The following YJU2B variants were observed in gnomAD, a reference collection of about 807,000 sequenced individuals.
YJU2B encodes the protein YJU2 splicing factor homolog B, also known as probable splicing factor YJU2B.
YJU2B carries 18 observed loss-of-function variants against 38.0 expected under a neutral mutation model. The ratio of observed to expected loss-of-function variants is 0.47; its 90% CI spans 0.33 to 0.70. The LOEUF is 0.70. Among genes scored for constraint, YJU2B ranks in the 30% least tolerant of loss-of-function variants. The pLI is 0.02. For missense variants in YJU2B, 538 were observed against 556.3 expected (o/e 0.97, Z 0.33); for synonymous variants, 246 against 225.4 (o/e 1.09, Z -0.82).
chr19:13,743,149 T>G (rs1450899335), upstream of YJU2B, among the ~76,000 whole-genome samples: 1 of 151,406 alleles, frequency 6.6e-6, no homozygotes, highest in Non-Finnish European at 1.5e-5. Context: ...CAGGTGGGGG[T>G]TTTTTAAGGC....
intron 1 of YJU2B, among the ~76,000 whole-genome samples, chr19:13,750,817 C>T (rs2145128789): frequency 6.7e-6 from 1 of 149,478 alleles, no homozygotes; most frequent in African/African-American, 2.5e-5. Context: ...AAGATCATGC[C>T]ACCCCACTCC....
upstream of YJU2B, among the ~76,000 whole-genome samples, chr19:13,744,484 C>T (rs1973177868): frequency 6.6e-6 from 1 of 152,160 alleles, no homozygotes; most frequent in Non-Finnish European, 1.5e-5. Flanking sequence ...ACTTCCTTAG[C>T]TTTTGTTTTG....
chr19:13,744,970 G>A (rs1186632232), upstream of YJU2B, among the ~76,000 whole-genome samples: 2 of 150,722 alleles, frequency 1.3e-5, no homozygotes, highest in African/African-American at 4.9e-5. Context: ...TCCAGCCCAG[G>A]CAACAGAGCG....
chr19:13,750,185 A>T (rs1437972060), intron 1 of YJU2B, among the ~76,000 whole-genome samples: 4 of 152,072 alleles, frequency 2.6e-5, no homozygotes, highest in African/African-American at 9.7e-5. Context: ...AATTCCAGGA[A>T]ACAAGTGACT....
chr19:13,738,166 G>A (rs967926749), intron 2 of YJU2B, among the ~76,000 whole-genome samples: 22 of 152,200 alleles, frequency 1.4e-4, no homozygotes, highest in African/African-American at 5.3e-4. Context: ...AGTGAAGCAT[G>A]ACTTTTCCAT....
intron 2 of YJU2B, among the ~76,000 whole-genome samples, chr19:13,752,065 C>T (rs990642705): frequency 2.0e-5 from 3 of 152,072 alleles, no homozygotes; most frequent in Non-Finnish European, 4.4e-5. Context: ...TGCAGTGGCA[C>T]GCTCTCGGCT....
intron 2 of YJU2B, among the ~76,000 whole-genome samples, chr19:13,752,095 T>G (rs1973490241): frequency 6.6e-6 from 1 of 152,122 alleles, no homozygotes; most frequent in Non-Finnish European, 1.5e-5. Flanking sequence ...CTCCGCCTTC[T>G]GGGTTCAAGC....
chr19:13,751,874 GC>G, intron 2 of YJU2B, 63 bp downstream of exon 2: 1 of 1,515,322 alleles, frequency 6.6e-7, no homozygotes, highest in Non-Finnish European at 9.2e-7. Context: ...CCTGGAAGCA[GC>G]CCCTCCTCCC....
intron 8 of YJU2B, among the ~76,000 whole-genome samples, chr19:13,760,354 T>C (rs1973842105): frequency 6.6e-6 from 1 of 152,226 alleles, no homozygotes; most frequent in Admixed American, 6.5e-5. Flanking sequence ...TGTCCTCATG[T>C]GGCAGAAGGG....
rs548113253 is a variant in YJU2B at position 13,762,826 on chromosome 19, G to C, written c.949G>C (p.Gly317Arg). 30 of 1,604,214 alleles carry C rather than the reference G, an allele frequency of 1.9e-5. No individual in the cohort carries two copies. In the South Asian group the frequency reaches 3.3e-4, roughly 18 times the overall value. Residue 317 changes from glycine (G) to arginine (R), a missense_variant, in exon 10 of 10, where the codon GGG becomes CGG. Gly to Arg is a moderately radical substitution (Grantham distance 125, BLOSUM62 -2). This residue lies in a region of YJU2B where 488 missense variants were observed against 469.5 expected (regional missense o/e 1.04). Transcript: ENST00000221554. ...GCATGCGGCCGACACCCCCAAGTCT[G>C]GGGAACCGCGGGTACCAGAGGAGGC... is the stretch of plus-strand genomic sequence containing the variant. ...PQHAADTPKSGEPRVPEEAAQ... is the reference protein window; with the variant it reads ...PQHAADTPKSREPRVPEEAAQ...
At chr19:13,761,737 T>G (rs2145171793) in intron 8 of YJU2B, among the ~76,000 whole-genome samples, 1 of 131,624 alleles carries the variant, frequency 7.6e-6, no homozygotes, top group Middle Eastern at 3.7e-3. Flanking sequence ...TTTTTTTTTT[T>G]TTTTGAAACA....
At chr19:13,747,585 C>A (rs1973287181), upstream of YJU2B, among the ~76,000 whole-genome samples, 1 of 152,240 alleles carries the variant, frequency 6.6e-6, no homozygotes, top group Non-Finnish European at 1.5e-5. Flanking sequence ...ATTCTTTTGC[C>A]TCAGCCTCCC....
chr19:13,762,997 C>A lies in YJU2B; in HGVS notation c.1120C>A (p.Pro374Thr). 6.2e-7 allele frequency: 1 copy of A among 1,606,642 alleles called. No individual in the cohort carries two copies. Among genetic ancestry groups the A allele is most frequent in the Non-Finnish European group, 8.5e-7 (1 of 1,176,394 alleles). ...AGSSQEAADT[P>T]DTRHPCSLGS... The stretch of plus-strand genomic sequence containing the variant: ...CTCCTCCCAGGAGGCAGCTGACACC[C>A]CCGACACGCGGCACCCCTGCAGTCT... The change falls in exon 10 of 10, where the codon CCC becomes ACC. Residue 374 changes from proline to threonine, a missense_variant. Pro to Thr is a conservative substitution (Grantham distance 38). Transcript: ENST00000221554.
At chr19:13,757,611 G>T in intron 5 of YJU2B, 138 bp downstream of exon 5, 1 of 1,066,374 alleles carries the variant, frequency 9.4e-7, no homozygotes, top group East Asian at 2.4e-5. Flanking sequence ...GCTGGCCATG[G>T]AAGCCCCTTT....
At chr19:13,758,111 C>A (rs898311179) in intron 6 of YJU2B, among the ~76,000 whole-genome samples, 2 of 152,206 alleles carry the variant, frequency 1.3e-5, no homozygotes, top group Non-Finnish European at 2.9e-5. Flanking sequence ...TGCTGTCCCC[C>A]TCCCTGGCCT....
At chr19:13,753,446 T>C (rs1973545556) in intron 2 of YJU2B, among the ~76,000 whole-genome samples, 2 of 151,984 alleles carry the variant, frequency 1.3e-5, no homozygotes, top group Non-Finnish European at 2.9e-5. Flanking sequence ...TAGTGGCACA[T>C]GCCTGTAATC....
upstream of YJU2B, among the ~76,000 whole-genome samples, chr19:13,746,542 A>G (rs1010314661): frequency 9.8e-5 from 15 of 152,336 alleles, no homozygotes; most frequent in African/African-American, 3.1e-4. Flanking sequence ...TGACATGTAA[A>G]CAGACAGGGC....
chr19:13,752,129 A>G (rs1391944349), intron 2 of YJU2B, among the ~76,000 whole-genome samples: 1 of 151,890 alleles, frequency 6.6e-6, no homozygotes, highest in Non-Finnish European at 1.5e-5. Context: ...TAATTTTTGT[A>G]TTTTTAGTAG....
At chr19:13,753,325 G>A (rs373756897) in intron 2 of YJU2B, among the ~76,000 whole-genome samples, 10 of 152,138 alleles carry the variant, frequency 6.6e-5, no homozygotes, top group Admixed American at 4.6e-4. Flanking sequence ...TGTAATCCCA[G>A]CACTTTGGGA....
Sources: allele counts gnomAD v4.1 joint callset (sites outside exome capture counted in the v4.1 genomes callset), GRCh38; gene constraint gnomAD v4.1.1; regional missense constraint gnomAD v4.1.1; transcripts MANE v1.5; gene names NCBI Gene and HGNC (gene_info 2026-07-23, HGNC 2026-07-21).